The following STXBP5L variants were observed in gnomAD, a reference collection of about 807,000 sequenced individuals.
STXBP5L encodes the protein syntaxin-binding protein 5-like.
A neutral mutation model predicts 144.5 loss-of-function variants in STXBP5L; 65 were observed. The observed-to-expected ratio is 0.45, with a 90% confidence interval of 0.37 to 0.55. The LOEUF (loss-of-function observed/expected upper bound fraction) is 0.55. STXBP5L is among the 20% of genes least tolerant of loss of function. The pLI is 0.00. For synonymous variants in STXBP5L, 505 were observed against 469.6 expected (o/e 1.08, Z -0.97); for missense variants, 1,298 against 1,405.5 (o/e 0.92, Z 1.22).
intron 19 of STXBP5L, among the ~76,000 whole-genome samples, chr3:121,305,074 T>G (rs1324668359): frequency 6.6e-6 from 1 of 152,062 alleles, no homozygotes; most frequent in African/African-American, 2.4e-5. Context: ...TAGATGAAAT[T>G]AAGAGATTCC....
intron 20 of STXBP5L, among the ~76,000 whole-genome samples, chr3:121,372,951 A>T (rs2046076029): frequency 6.6e-6 from 1 of 152,252 alleles, no homozygotes; most frequent in South Asian, 2.1e-4. Context: ...AAGAATAAGT[A>T]AATTGGAGGT....
At chr3:121,003,699 G>A (rs1266578456) in intron 3 of STXBP5L, among the ~76,000 whole-genome samples, 2 of 152,182 alleles carry the variant, frequency 1.3e-5, no homozygotes, top group South Asian at 4.1e-4. Context: ...TAACATGTGA[G>A]TCTTTAATCC....
intron 3 of STXBP5L, among the ~76,000 whole-genome samples, chr3:120,966,341 C>T (rs1939572296): frequency 6.6e-6 from 1 of 152,174 alleles, no homozygotes; most frequent in African/African-American, 2.4e-5. Context: ...GAGCTGTGAT[C>T]CTTTGGAGGG....
intron 22 of STXBP5L, among the ~76,000 whole-genome samples, chr3:121,396,728 GAA>G (rs1437811310): frequency 3.3e-5 from 5 of 152,226 alleles, no homozygotes. Context: ...GTTAAATTGT[GAA>G]AGTGTCTAGC....
At chr3:120,996,875 G>A (rs1317518489) in intron 3 of STXBP5L, among the ~76,000 whole-genome samples, 1 of 152,048 alleles carries the variant, frequency 6.6e-6, no homozygotes, top group Non-Finnish European at 1.5e-5. Context: ...CATGTCATGG[G>A]GATTTGGTCT....
chr3:121,356,401 A>T (rs993703278), intron 20 of STXBP5L, among the ~76,000 whole-genome samples: 4 of 152,224 alleles, frequency 2.6e-5, no homozygotes, highest in African/African-American at 9.6e-5. Context: ...GCAATGGCGG[A>T]TGCCCCTCCC....
chr3:121,287,844 C>A (rs1029246160), intron 19 of STXBP5L, among the ~76,000 whole-genome samples: 3 of 151,988 alleles, frequency 2.0e-5, no homozygotes, highest in Non-Finnish European at 4.4e-5. Flanking sequence ...AAAAGAAAGA[C>A]CCACACATGG....
At chr3:121,128,581 C>T (rs1206787540) in intron 7 of STXBP5L, among the ~76,000 whole-genome samples, 1 of 151,938 alleles carries the variant, frequency 6.6e-6, no homozygotes. Context: ...CCATAATATT[C>T]ATGGATTGTA....
At chr3:121,332,018 C>G (rs1009429827) in intron 20 of STXBP5L, among the ~76,000 whole-genome samples, 1 of 150,650 alleles carries the variant, frequency 6.6e-6, no homozygotes, top group East Asian at 2.0e-4. Flanking sequence ...GCGCCCAGAG[C>G]CAAATTAGGT....
At chr3:121,140,565 G>T (rs2045453268) in intron 7 of STXBP5L, among the ~76,000 whole-genome samples, 1 of 152,092 alleles carries the variant, frequency 6.6e-6, no homozygotes, top group Non-Finnish European at 1.5e-5. Flanking sequence ...CATATAAAAT[G>T]ATGAAATCTT....
intron 5 of STXBP5L, among the ~76,000 whole-genome samples, chr3:121,075,849 A>G (rs902535383): frequency 6.6e-6 from 1 of 152,212 alleles, no homozygotes; most frequent in Non-Finnish European, 1.5e-5. Context: ...ACTGCCTGAT[A>G]TCTCCTGTGC....
chr3:121,303,808 C>T (rs1392164449), intron 19 of STXBP5L, among the ~76,000 whole-genome samples: 2 of 151,788 alleles, frequency 1.3e-5, no homozygotes, highest in Non-Finnish European at 2.9e-5. Flanking sequence ...TATTCTCACT[C>T]ATAGGTGGGA....
At chr3:121,281,473 C>A (rs184175451) in intron 19 of STXBP5L, among the ~76,000 whole-genome samples, 109 of 152,014 alleles carry the variant, frequency 7.2e-4, no homozygotes, top group African/African-American at 2.6e-3. Flanking sequence ...TGTTAGGGGG[C>A]AGTAGGCTAT....
intron 9 of STXBP5L, among the ~76,000 whole-genome samples, chr3:121,188,231 A>G (rs959199811): frequency 2.0e-5 from 3 of 152,212 alleles, no homozygotes; most frequent in Non-Finnish European, 1.5e-5. Flanking sequence ...AATAGAATAT[A>G]CATTCTTCTC....
chr3:121,031,790 A>G (rs1946386702), intron 3 of STXBP5L, among the ~76,000 whole-genome samples: 1 of 152,176 alleles, frequency 6.6e-6, no homozygotes, highest in Non-Finnish European at 1.5e-5. Context: ...GAAAGATTTG[A>G]TAGTAGCATT....
At chr3:121,198,782 A>G (rs1314116041) in intron 9 of STXBP5L, among the ~76,000 whole-genome samples, 2 of 152,120 alleles carry the variant, frequency 1.3e-5, no homozygotes, top group African/African-American at 4.8e-5. Context: ...TTTGTTGAAG[A>G]TCAGATGGTT....
intron 3 of STXBP5L, among the ~76,000 whole-genome samples, chr3:121,040,147 A>C (rs776814429): frequency 1.3e-5 from 2 of 151,838 alleles, no homozygotes; most frequent in African/African-American, 4.8e-5. Flanking sequence ...ATATTTTTTT[A>C]CTTCTCTGCA....
chr3:121,114,876 G>A (rs1420726690), intron 5 of STXBP5L, 49 bp from the exon 6 acceptor site: 1 of 1,321,346 alleles, frequency 7.6e-7, no homozygotes, highest in Non-Finnish European at 1.0e-6. Context: ...ATATAATGCT[G>A]ACCAAATGTA....
Position 121,422,637 on chromosome 3 carries a change from A to G in STXBP5L, c.*3540A>G, listed in dbSNP as rs1324807171. On this transcript the variant is annotated 3_prime_UTR_variant, in exon 27 of 27. Coordinates refer to ENST00000471454, the MANE Select transcript of STXBP5L (RefSeq NM_001308330.2). ...CTGAGCCCCAGACTTTAGGGCCCCA[A>G]TCATTGTCAAGATCATTGTCTAACT... The G allele has an allele frequency of 2.0e-5, 3 of 152,102 alleles. No individual in the cohort carries two copies. Among genetic ancestry groups the G allele is most frequent in the Non-Finnish European group, 4.4e-5 (3 of 68,014 alleles). The allele number at this position is 152,102 out of a possible 1,614,324, so 9.4% of individuals were successfully genotyped here.
Sources: allele counts gnomAD v4.1 joint callset (sites outside exome capture counted in the v4.1 genomes callset), GRCh38; gene constraint gnomAD v4.1.1; transcripts MANE v1.5; gene names NCBI Gene and HGNC (gene_info 2026-07-23, HGNC 2026-07-21).